The following CPAMD8 variants were observed in gnomAD, a reference collection of about 807,000 sequenced individuals.
The protein encoded by CPAMD8 is C3 and PZP like alpha-2-macroglobulin domain containing 8.
Under a neutral mutation model 224.7 loss-of-function variants are expected in CPAMD8, and 146 were observed. The observed-to-expected ratio is 0.65, with a 90% CI of 0.57 to 0.75. CPAMD8 has a LOEUF of 0.75. CPAMD8 is among the 30% of genes least tolerant of loss of function. The pLI is 0.00. For synonymous variants in CPAMD8, 966 were observed against 1,044.6 expected, an observed-to-expected ratio of 0.92 and a Z score of 1.45; for missense variants, 2,301 against 2,537.5, an observed-to-expected ratio of 0.91 and a Z score of 2.00.
intron 11 of CPAMD8, 106 bp from the exon 12 acceptor site, chr19:16,993,692 T>C (rs2056035032): frequency 1.9e-6 from 2 of 1,073,650 alleles, no homozygotes; most frequent in East Asian, 2.5e-5. Context: ...GGCTTCTTTG[T>C]AGAAATTGAC....
At chr19:16,942,239 G>A (rs562741263) in intron 22 of CPAMD8, among the ~76,000 whole-genome samples, 17 of 152,204 alleles carry the variant, frequency 1.1e-4, no homozygotes, top group East Asian at 7.8e-4. Flanking sequence ...AGGCGGGCGG[G>A]TCACCTGAGG....
intron 30 of CPAMD8, among the ~76,000 whole-genome samples, chr19:16,905,560 G>A (rs926129760): frequency 7.5e-4 from 82 of 109,264 alleles, no homozygotes; most frequent in East Asian, 1.7e-3. Flanking sequence ...AAAAAAAAAA[G>A]GAAGAAAAGA....
intron 5 of CPAMD8, among the ~76,000 whole-genome samples, chr19:17,009,793 G>A (rs2056599423): frequency 6.6e-6 from 1 of 151,712 alleles, no homozygotes. Context: ...AAAAAGAAAT[G>A]GGGAAACCAG....
chr19:16,953,500 G>C (rs532738056), intron 19 of CPAMD8, among the ~76,000 whole-genome samples: 14 of 151,910 alleles, frequency 9.2e-5, no homozygotes, highest in Non-Finnish European at 1.9e-4. Context: ...AGGAGTTTGA[G>C]ACCAGCCTGA....
At chr19:16,894,946 A>ACACACACACACACACT (rs2051901924) in intron 41 of CPAMD8, 2 of 176,062 alleles carry the variant, frequency 1.1e-5, no homozygotes, top group Non-Finnish European at 2.4e-5. Flanking sequence ...ACACACACAC[A>ACACACACACACACACT]CACACACACA....
At chr19:16,969,959 G>A (rs927513298) in intron 18 of CPAMD8, among the ~76,000 whole-genome samples, 1 of 151,604 alleles carries the variant, frequency 6.6e-6, no homozygotes, top group Non-Finnish European at 1.5e-5. Flanking sequence ...TTATTGCCAG[G>A]CGCAGTGGCT....
rs556823805 is a variant in CPAMD8, at chr19:17,022,591, C to T, written c.93-410G>A. Among the ~76,000 whole-genome samples, 7 of 151,982 alleles carry T rather than the reference C, an allele frequency of 4.6e-5. No homozygotes were observed. In the South Asian group the frequency reaches 6.2e-4, roughly 14 times the overall value. On this transcript the variant is annotated intron_variant, in intron 1 of 41. Transcript: ENST00000443236. ...TCGGCTCACTACAACCTCCACCTCC[C>T]GGGTTCAAGGGATTCTCGTGCCTTA...
At position 16,929,125 on chromosome 19, in the gene CPAMD8, C is replaced by T. The variant is rs1247404790; in HGVS notation, c.2961G>A (p.Leu987=). ...VRAHNDARVA[L]SSGPQDTAGM... ...CTGCTGTGTCCTGGGGCCCAGAAGACAAGGCCACACGGGCATCATTGTGAG... is the reference window on the plus strand; with the variant it reads ...CTGCTGTGTCCTGGGGCCCAGAAGATAAGGCCACACGGGCATCATTGTGAG... The change falls in exon 24 of 42, where the codon TTG becomes TTA. Residue 987 remains leucine, a synonymous_variant. Transcript: ENST00000443236. 5.6e-6 allele frequency: 9 copies of T among 1,614,156 alleles called. No individual in the cohort carries two copies. Among genetic ancestry groups the T allele is most frequent in the Non-Finnish European group, 7.6e-6 (9 of 1,180,016 alleles).
intron 29 of CPAMD8, 135 bp from the exon 30 acceptor site, chr19:16,907,252 C>G (rs1291744210): frequency 9.0e-7 from 1 of 1,106,804 alleles, no homozygotes; most frequent in African/African-American, 1.7e-5. Flanking sequence ...TTCTGTGGCT[C>G]TCACTGCCTG....
chr19:16,968,389 C>T (rs2054932255), intron 18 of CPAMD8, among the ~76,000 whole-genome samples: 1 of 152,120 alleles, frequency 6.6e-6, no homozygotes, highest in South Asian at 2.1e-4. Context: ...CAAGAAGGTT[C>T]CTGTTTTATA....
intron 18 of CPAMD8, among the ~76,000 whole-genome samples, chr19:16,970,078 C>CAA (rs1196166169): frequency 2.5e-4 from 33 of 129,462 alleles, no homozygotes; most frequent in African/African-American, 8.8e-4. Flanking sequence ...ACTAAAAATA[C>CAA]AAAAAAAAAA....
At chr19:17,020,447 C>T in intron 2 of CPAMD8, 94 bp from the exon 3 acceptor site, 1 of 912,364 alleles carries the variant, frequency 1.1e-6, no homozygotes, top group South Asian at 1.3e-5. Context: ...ACTTTCTTAA[C>T]CCAAAGGGGT....
At position 16,899,894 on chromosome 19, in the gene CPAMD8, T is replaced by C. The variant is rs950982438; in HGVS notation, c.4774-345A>G. Among the ~76,000 whole-genome samples, 25 of 133,986 alleles carry C rather than the reference T, an allele frequency of 1.9e-4. No homozygotes were observed. Among genetic ancestry groups the C allele is most frequent in the African/African-American group, 6.0e-4 (22 of 36,928 alleles). 87.9% of individuals were successfully genotyped at this position (133,986 alleles called of 152,430 possible). A position where few individuals can be genotyped will look rare whatever the true frequency, so the allele number is the denominator to read the frequency against. On this transcript the variant is annotated intron_variant, in intron 36 of 41. Coordinates refer to ENST00000443236, the MANE Select transcript of CPAMD8 (RefSeq NM_015692.5). The surrounding 1 kb of genome is among the most constrained non-coding windows in gnomAD (Gnocchi z 5.4). Reference sequence around the variant, plus strand: ...CACTGTTCAAGTTCCCCTCCCAGCCTGGGATTTTTTTTTTTTTTTCAGTTT... The same window carrying C: ...CACTGTTCAAGTTCCCCTCCCAGCCCGGGATTTTTTTTTTTTTTTCAGTTT...
rs1372183428 is a variant in CPAMD8 at position 16,904,503 on chromosome 19, G to A, written c.4077C>T (p.Gly1359=). Reference sequence around the variant, plus strand: ...CCCTGTCACTGAAGCTCAAGAATGTGCCCTTGTCCACGTCCCAGGAATTTG... The same window carrying A: ...CCCTGTCACTGAAGCTCAAGAATGTACCCTTGTCCACGTCCCAGGAATTTG... ...SLSNSWDVDK[G]TFLSFSDRVS... The change falls in exon 31 of 42, where the codon GGC becomes GGT. Residue 1359 remains glycine (G), a synonymous_variant. Transcript: ENST00000443236. 1 of 1,614,158 alleles carries A rather than the reference G, an allele frequency of 6.2e-7. No individual in the cohort carries two copies. The highest frequency in any genetic ancestry group is 2.2e-5 in the East Asian group (1 of 44,884).
At chr19:16,946,981 C>T in intron 21 of CPAMD8, 93 bp downstream of exon 21, 2 of 1,330,216 alleles carry the variant, frequency 1.5e-6, no homozygotes, top group African/African-American at 1.5e-5. Flanking sequence ...TTACCTGCTG[C>T]CCCATCCACC....
intron 13 of CPAMD8, among the ~76,000 whole-genome samples, chr19:16,983,220 T>C (rs570513315): frequency 4.6e-5 from 7 of 152,228 alleles, no homozygotes; most frequent in South Asian, 4.1e-4. Context: ...CTCCCCAACA[T>C]GGGGAAAGCC....
At chr19:16,991,216 T>G (rs2055938333) in intron 12 of CPAMD8, among the ~76,000 whole-genome samples, 1 of 152,306 alleles carries the variant, frequency 6.6e-6, no homozygotes, top group Admixed American at 6.5e-5. Context: ...GCTTCCAATC[T>G]GGGAATTGCC....
chr19:16,980,445 C>A, intron 14 of CPAMD8, 52 bp downstream of exon 14: 1 of 1,562,462 alleles, frequency 6.4e-7, no homozygotes, highest in Non-Finnish European at 8.7e-7. Flanking sequence ...CCATCTCAGT[C>A]TCAATTGTTC....
rs761796350 is a variant in CPAMD8, at chr19:16,904,658, C to A, written c.4028-106G>T. 6.2e-4 allele frequency: 478 copies of A among 775,528 alleles called. 2 individuals carry two copies. Among genetic ancestry groups the A allele is most frequent in the Middle Eastern group, 2.1e-3 (7 of 3,274 alleles). The allele number at this position is 775,528 out of a possible 1,614,324, so 48.0% of individuals were successfully genotyped here. ...GTCTAAAGAAAAGGTATTGTGGGAC[C>A]CCAGTGGGAGAAGAGTATCAGGGGA... On this transcript the variant is annotated intron_variant, in intron 30 of 41. Coordinates refer to ENST00000443236, the MANE Select transcript of CPAMD8 (RefSeq NM_015692.5).
Sources: allele counts gnomAD v4.1 joint callset (sites outside exome capture counted in the v4.1 genomes callset), GRCh38; gene constraint gnomAD v4.1.1; non-coding constraint Gnocchi (gnomAD v3.1); transcripts MANE v1.5; gene names NCBI Gene and HGNC (gene_info 2026-07-23, HGNC 2026-07-21).